Variants in EIF3H observed in about 807,000 individuals in gnomAD.
EIF3H encodes the protein eukaryotic translation initiation factor 3 subunit H, also known as eIF-3-gamma.
A neutral mutation model predicts 44.2 loss-of-function variants in EIF3H; 26 were observed. The observed-to-expected ratio is 0.59, with a 90% CI of 0.43 to 0.82. The LOEUF is 0.82. Ranked by LOEUF, EIF3H falls within the 40% of genes least tolerant of loss-of-function variation. The probability of loss-of-function intolerance (pLI) is 0.00; values close to 1 mark genes in which losing one functional copy is unlikely to be tolerated. For synonymous variants in EIF3H, 166 were observed against 151.9 expected (o/e 1.09, Z -0.68); for missense variants, 359 against 432.8 (o/e 0.83, Z 1.51).
upstream of EIF3H, among the ~76,000 whole-genome samples, chr8:116,757,876 C>G (rs1050098268): frequency 6.6e-6 from 1 of 152,042 alleles, no homozygotes; most frequent in Non-Finnish European, 1.5e-5. Flanking sequence ...CACCCACCAC[C>G]CTGTCCAGCT....
At chr8:116,697,302 G>GA (rs1432736809) in intron 2 of EIF3H, 4 of 412,286 alleles carry the variant, frequency 9.7e-6, no homozygotes, top group Non-Finnish European at 1.9e-5. Context: ...AGTGTAAAAA[G>GA]AAAAAAATTG....
In EIF3H at chr8:116,656,927, TC is replaced by T. The variant is rs577384448; in HGVS notation, c.557+287del. On this transcript the variant is annotated intron_variant, in intron 4 of 7. Coordinates refer to ENST00000521861, the MANE Select transcript of EIF3H (RefSeq NM_003756.3). ...TTACAATCTGACAGCCACTGATCAC[TC>T]TTTCCACCTCCCTTTATTCAATCAT... is the stretch of plus-strand genomic sequence containing the variant. Among the ~76,000 whole-genome samples the T allele has an allele frequency of 1.1e-4, 16 of 152,326 alleles. No individual in the cohort carries two copies. In the South Asian group the frequency reaches 3.3e-3, roughly 32 times the overall value.
intron 2 of EIF3H, among the ~76,000 whole-genome samples, chr8:116,686,571 C>T (rs1294603973): frequency 1.3e-5 from 2 of 151,668 alleles, no homozygotes; most frequent in Admixed American, 1.3e-4. Context: ...AAAGCTGACA[C>T]AGCCAGCTAA....
chr8:116,722,574 T>C (rs1353372950), intron 2 of EIF3H, among the ~76,000 whole-genome samples: 1 of 152,210 alleles, frequency 6.6e-6, no homozygotes, highest in African/African-American at 2.4e-5. Flanking sequence ...TGTATGTATC[T>C]TTTATCAGTA....
chr8:116,682,377 C>T (rs564348641), intron 2 of EIF3H, among the ~76,000 whole-genome samples: 9 of 152,174 alleles, frequency 5.9e-5, no homozygotes, highest in Non-Finnish European at 1.3e-4. Flanking sequence ...GCTTTTGCTG[C>T]CACCATCATG....
At chr8:116,723,706 A>G (rs1814790444) in intron 2 of EIF3H, among the ~76,000 whole-genome samples, 2 of 152,376 alleles carry the variant, frequency 1.3e-5, no homozygotes, top group South Asian at 4.1e-4. Context: ...AAAATGACAA[A>G]AAGGAAATTA....
upstream of EIF3H, chr8:116,755,921 GC>G (rs1248331507): frequency 6.5e-7 from 1 of 1,542,740 alleles, no homozygotes; most frequent in Admixed American, 1.9e-5. Context: ...CCAAAATTGG[GC>G]CCCGCCTCCC....
At chr8:116,696,979 C>T (rs575981354) in intron 2 of EIF3H, 23 of 390,942 alleles carry the variant, frequency 5.9e-5, no homozygotes, top group Admixed American at 5.6e-4. Flanking sequence ...GACACCAACC[C>T]TCTCCATATT....
At chr8:116,655,704 G>A in intron 5 of EIF3H, 152 bp downstream of exon 5, 1 of 771,232 alleles carries the variant, frequency 1.3e-6, no homozygotes, top group Non-Finnish European at 2.1e-6. Flanking sequence ...CATCCTAACA[G>A]GGCCAGACTA....
intron 2 of EIF3H, among the ~76,000 whole-genome samples, chr8:116,666,775 A>T (rs1032806888): frequency 1.9e-4 from 28 of 151,262 alleles, no homozygotes; most frequent in African/African-American, 6.8e-4. Context: ...AAAAAAAAAA[A>T]ATTACACTAT....
At chr8:116,678,082 C>T (rs1311313599) in intron 2 of EIF3H, among the ~76,000 whole-genome samples, 1 of 151,206 alleles carries the variant, frequency 6.6e-6, no homozygotes, top group Non-Finnish European at 1.5e-5. Flanking sequence ...CTCACTGCAA[C>T]CTCCCTGCCT....
chr8:116,726,161 C>G lies in EIF3H; in HGVS notation c.144G>C (p.Lys48Asn). The G allele has an allele frequency of 6.2e-7, 1 of 1,613,450 alleles. No homozygotes were observed. Among genetic ancestry groups the G allele is most frequent in the Non-Finnish European group, 8.5e-7 (1 of 1,179,620 alleles). The change falls in exon 2 of 8, where the codon AAG becomes AAC. Residue 48 changes from lysine (K) to asparagine (N), a missense_variant. By Grantham distance (94) the Lys-to-Asn change is moderately conservative. This residue lies in a region of EIF3H where 91 missense variants were observed against 164.6 expected (regional missense o/e 0.55). Transcript: ENST00000521861. ...CTTCTTCTTGATAATGTTTGATTAT[C>G]TTTAATACCACCTAAAACATACACA... is the stretch of plus-strand genomic sequence containing the variant. ...QVQIDGLVVL[K>N]IIKHYQEEGQ...
intron 2 of EIF3H, among the ~76,000 whole-genome samples, chr8:116,705,492 C>T (rs1031565114): frequency 9.8e-6 from 1 of 102,276 alleles, no homozygotes; most frequent in Admixed American, 1.1e-4. Flanking sequence ...ACATGTTACA[C>T]CCCCCCCCAC....
chr8:116,738,031 T>G (rs143165001), intron 1 of EIF3H, among the ~76,000 whole-genome samples: 1 of 127,110 alleles, frequency 7.9e-6, no homozygotes, highest in African/African-American at 3.1e-5. Flanking sequence ...CGAGGCTCCA[T>G]CTCAAAAAAA....
At chr8:116,672,983 A>G (rs1047277538) in intron 2 of EIF3H, among the ~76,000 whole-genome samples, 17 of 150,322 alleles carry the variant, frequency 1.1e-4, no homozygotes, top group Admixed American at 8.6e-4. Context: ...TCTTAATTAT[A>G]TAACTTAAAG....
intron 2 of EIF3H, among the ~76,000 whole-genome samples, chr8:116,707,992 T>TAA (rs1814499619): frequency 1.3e-5 from 2 of 152,152 alleles, no homozygotes; most frequent in African/African-American, 4.8e-5. Context: ...TTCTAAAACT[T>TAA]TAAGTACAGT....
At chr8:116,740,702 T>C (rs975331023) in intron 1 of EIF3H, among the ~76,000 whole-genome samples, 1 of 152,128 alleles carries the variant, frequency 6.6e-6, no homozygotes, top group Non-Finnish European at 1.5e-5. Context: ...AAAAAAATTT[T>C]AGTAAAAGCT....
At chr8:116,706,734 A>G (rs923383232) in intron 2 of EIF3H, among the ~76,000 whole-genome samples, 2 of 151,984 alleles carry the variant, frequency 1.3e-5, no homozygotes, top group African/African-American at 4.8e-5. Flanking sequence ...AGTTTCACCA[A>G]GGGTTTTGAC....
chr8:116,661,834 T>C (rs1390608879), intron 2 of EIF3H, among the ~76,000 whole-genome samples: 1 of 152,272 alleles, frequency 6.6e-6, no homozygotes, highest in East Asian at 1.9e-4. Flanking sequence ...GCACCTCTGA[T>C]AAGGGTAAGA....
Sources: allele counts gnomAD v4.1 joint callset (sites outside exome capture counted in the v4.1 genomes callset), GRCh38; gene constraint gnomAD v4.1.1; regional missense constraint gnomAD v4.1.1; transcripts MANE v1.5; gene names NCBI Gene and HGNC (gene_info 2026-07-23, HGNC 2026-07-21).